The following KDM4C variants were observed in gnomAD, a reference collection of about 807,000 sequenced individuals.
KDM4C encodes lysine demethylase 4C, also known as lysine-specific demethylase 4C.
KDM4C carries 81 observed loss-of-function variants against 129.3 expected under a neutral mutation model. The ratio of observed to expected loss-of-function variants is 0.63; its 90% CI spans 0.52 to 0.75. KDM4C has a LOEUF of 0.75. Among genes scored for constraint, KDM4C ranks in the 30% least tolerant of loss-of-function variants. KDM4C has a pLI of 0.00. For synonymous variants in KDM4C, 573 were observed against 456.1 expected (o/e 1.26, Z -3.26); for missense variants, 1,457 against 1,304.0 (o/e 1.12, Z -1.81).
intron 8 of KDM4C, among the ~76,000 whole-genome samples, chr9:6,944,652 G>GTTTTGTTTTTTTTTTTTT (rs1393031275): frequency 1.2e-5 from 1 of 80,990 alleles, no homozygotes; most frequent in Non-Finnish European, 2.2e-5. Context: ...CAAGGTAGAG[G>GTTTTGTTTTTTTTTTTTT]TTTTTTTTTT....
intron 6 of KDM4C, among the ~76,000 whole-genome samples, chr9:6,881,375 G>C (rs1844428250): frequency 6.6e-6 from 1 of 152,142 alleles, no homozygotes; most frequent in Non-Finnish European, 1.5e-5. Flanking sequence ...AACTTTGTTA[G>C]GGACTGTTTT....
chr9:7,168,426 G>C (rs1406906096), intron 20 of KDM4C, among the ~76,000 whole-genome samples: 1 of 152,110 alleles, frequency 6.6e-6, no homozygotes, highest in Non-Finnish European at 1.5e-5. Flanking sequence ...TTTCCTGCTA[G>C]ATTAGTTCAT....
chr9:6,815,655 G>T (rs1038958357), intron 4 of KDM4C, among the ~76,000 whole-genome samples: 1 of 152,190 alleles, frequency 6.6e-6, no homozygotes, highest in Non-Finnish European at 1.5e-5. Flanking sequence ...GCTCCAGTGA[G>T]CATTTCCTTT....
intron 12 of KDM4C, 70 bp downstream of exon 12, chr9:6,990,594 A>T (rs1818566158): frequency 9.9e-7 from 1 of 1,014,224 alleles, no homozygotes; most frequent in South Asian, 1.5e-5. Flanking sequence ...TTGTAAAAAA[A>T]ATTGCTGAAT....
At chr9:6,997,890 A>G (rs1820056512) in intron 12 of KDM4C, among the ~76,000 whole-genome samples, 1 of 152,234 alleles carries the variant, frequency 6.6e-6, no homozygotes, top group Non-Finnish European at 1.5e-5. Context: ...CTCTTCAACT[A>G]TAATTTTATG....
chr9:7,057,664 A>G (rs963983988), intron 17 of KDM4C, among the ~76,000 whole-genome samples: 1 of 152,224 alleles, frequency 6.6e-6, no homozygotes, highest in African/African-American at 2.4e-5. Context: ...TGTTAAGAAC[A>G]TAACTGTATT....
chr9:6,728,404 C>T (rs1817213385), intron 1 of KDM4C, among the ~76,000 whole-genome samples: 1 of 151,816 alleles, frequency 6.6e-6, no homozygotes, highest in African/African-American at 2.4e-5. Context: ...CACAGTGGAA[C>T]GCGCCTGAAA....
chr9:6,855,057 A>G (rs1210987697), intron 5 of KDM4C, among the ~76,000 whole-genome samples: 1 of 152,248 alleles, frequency 6.6e-6, no homozygotes, highest in African/African-American at 2.4e-5. Flanking sequence ...ACAGTGCTCA[A>G]TAGATGTTAA....
At chr9:6,810,371 T>C (rs1273263397) in intron 3 of KDM4C, among the ~76,000 whole-genome samples, 2 of 152,160 alleles carry the variant, frequency 1.3e-5, no homozygotes, top group Non-Finnish European at 2.9e-5. Flanking sequence ...AATGAATAAA[T>C]AGTGTTATAA....
chr9:7,127,964 C>T, intron 18 of KDM4C, 102 bp from the exon 19 acceptor site: 2 of 1,073,740 alleles, frequency 1.9e-6, no homozygotes, highest in Middle Eastern at 2.2e-4. Context: ...TAAATCTTGG[C>T]CAAATAAATG....
intron 1 of KDM4C, among the ~76,000 whole-genome samples, chr9:6,751,107 A>G (rs1444984552): frequency 6.6e-6 from 1 of 152,232 alleles, no homozygotes; most frequent in Non-Finnish European, 1.5e-5. Flanking sequence ...TTTGGAAGTC[A>G]TATCACATCA....
chr9:6,862,277 CTG>C (rs1841076066), intron 5 of KDM4C, among the ~76,000 whole-genome samples: 2 of 152,148 alleles, frequency 1.3e-5, no homozygotes, highest in Non-Finnish European at 2.9e-5. Context: ...AGTTATCTTA[CTG>C]TGCCTACCTA....
intron 11 of KDM4C, among the ~76,000 whole-genome samples, chr9:6,989,478 C>G (rs780584735): frequency 6.6e-6 from 1 of 151,920 alleles, no homozygotes; most frequent in South Asian, 2.1e-4. Context: ...ACTTTCTACC[C>G]GGGAAAGGAA....
intron 17 of KDM4C, among the ~76,000 whole-genome samples, chr9:7,061,325 C>G (rs1021217922): frequency 6.6e-6 from 1 of 152,178 alleles, no homozygotes; most frequent in Non-Finnish European, 1.5e-5. Flanking sequence ...AATTTCATGT[C>G]CTTTGAGAAA....
chr9:7,011,684 C>T lies in KDM4C; in HGVS notation c.1787-14C>T, dbSNP rs1009733854. On this transcript the variant is annotated splice_polypyrimidine_tract_variant and intron_variant, in intron 12 of 21. Transcript: ENST00000381309. ...TTCCCATGCTCATGGTATTTTCCTG[C>T]CTTCTCCCTTAAGAATTGCCTGAGG... The T allele has an allele frequency of 1.9e-6, 3 of 1,612,468 alleles. No individual in the cohort carries two copies. The highest frequency in any genetic ancestry group is 2.7e-5 in the African/African-American group (2 of 74,868).
chr9:6,872,114 C>G (rs1467710009), intron 5 of KDM4C, among the ~76,000 whole-genome samples: 2 of 152,016 alleles, frequency 1.3e-5, no homozygotes, highest in Non-Finnish European at 2.9e-5. Context: ...TTAGTCCAGC[C>G]TATAGGGAGT....
At chr9:7,161,414 A>G (rs141970590) in intron 19 of KDM4C, among the ~76,000 whole-genome samples, 443 of 152,308 alleles carry the variant, frequency 2.9e-3, no homozygotes, top group African/African-American at 5.6e-3. Context: ...TTTTGCATCA[A>G]TCACGCTGAG....
intron 8 of KDM4C, among the ~76,000 whole-genome samples, chr9:6,937,787 T>C (rs892528585): frequency 2.6e-5 from 4 of 152,102 alleles, no homozygotes; most frequent in East Asian, 1.9e-4. Context: ...TCTTGGCTCA[T>C]TGCAACCTCT....
chr9:6,762,965 A>T (rs1035905955), intron 1 of KDM4C, among the ~76,000 whole-genome samples: 1 of 151,222 alleles, frequency 6.6e-6, no homozygotes, highest in Non-Finnish European at 1.5e-5. Flanking sequence ...CGGCCAGGTC[A>T]TTGTCTTTTT....
Sources: gnomAD v4.1 joint callset for allele counts (sites outside exome capture counted in the v4.1 genomes callset) on GRCh38, gnomAD v4.1.1 for gene constraint, MANE v1.5 for transcripts, NCBI Gene and HGNC (gene_info 2026-07-23, HGNC 2026-07-21) for gene names.